The following WWOX variants were observed in gnomAD, a reference collection of about 807,000 sequenced individuals.
WWOX encodes the protein WW domain-containing oxidoreductase.
In WWOX, 69 loss-of-function variants were observed where a neutral mutation model predicts 46.2. That is an observed-to-expected ratio of 1.49 (90% CI 1.23 to 1.82). The LOEUF (loss-of-function observed/expected upper bound fraction) is 1.82. Ranked by LOEUF, WWOX falls within the 40% of genes most tolerant of loss-of-function variation. The probability of loss-of-function intolerance (pLI) is 0.00; values close to 1 mark genes in which losing one functional copy is unlikely to be tolerated. For missense variants in WWOX, 919 were observed against 542.6 expected (o/e 1.69, Z -6.89); for synonymous variants, 359 against 202.6 (o/e 1.77, Z -6.56).
chr16:78,776,020 A>G (rs8045376), intron 8 of WWOX, among the ~76,000 whole-genome samples: 147,840 of 152,304 alleles, frequency 0.97, 71,809 homozygotes, highest in African/African-American at 0.98. Flanking sequence ...GGACACAGCT[A>G]TGTGTTCCAA....
At chr16:78,109,598 A>G (rs2032366870) in intron 2 of WWOX, among the ~76,000 whole-genome samples, 180 bp from the exon 3 acceptor site, 1 of 151,806 alleles carries the variant, frequency 6.6e-6, no homozygotes, top group South Asian at 2.1e-4. Context: ...CCAGGGTGGG[A>G]TCAGGGGCCT....
chr16:78,330,398 ATTT>A (rs773610021), intron 5 of WWOX, among the ~76,000 whole-genome samples: 4 of 144,872 alleles, frequency 2.8e-5, no homozygotes, highest in African/African-American at 7.5e-5. Context: ...ACCAGTGATA[ATTT>A]TTTTTTTTTT....
chr16:78,789,261 T>G (rs1174985512), intron 8 of WWOX, among the ~76,000 whole-genome samples: 2 of 152,220 alleles, frequency 1.3e-5, no homozygotes, highest in African/African-American at 2.4e-5. Flanking sequence ...TATTTTCTTC[T>G]CAGACTTTTA....
At chr16:78,563,771 G>A (rs2044497022) in intron 8 of WWOX, among the ~76,000 whole-genome samples, 1 of 152,076 alleles carries the variant, frequency 6.6e-6, no homozygotes, top group African/African-American at 2.4e-5. Context: ...TAATATCTAT[G>A]GTTGATTGTA....
chr16:78,830,863 A>G (rs2051801617), intron 8 of WWOX, among the ~76,000 whole-genome samples: 1 of 151,992 alleles, frequency 6.6e-6, no homozygotes, highest in South Asian at 2.1e-4. Flanking sequence ...TCTTTCTCCT[A>G]CAGCCCCATC....
chr16:78,619,783 T>G (rs2046132221), intron 8 of WWOX, among the ~76,000 whole-genome samples: 2 of 151,802 alleles, frequency 1.3e-5, no homozygotes, highest in Admixed American at 1.3e-4. Flanking sequence ...GGGGTGCATG[T>G]CTGTGGTCCC....
At chr16:78,739,805 C>T (rs1484347051) in intron 8 of WWOX, among the ~76,000 whole-genome samples, 1 of 152,032 alleles carries the variant, frequency 6.6e-6, no homozygotes, top group Non-Finnish European at 1.5e-5. Context: ...GGAGAGATTC[C>T]ATCTCAAAAA....
chr16:78,642,112 T>C (rs1162249720), intron 8 of WWOX, among the ~76,000 whole-genome samples: 1 of 152,148 alleles, frequency 6.6e-6, no homozygotes, highest in African/African-American at 2.4e-5. Context: ...CCCCAAATAA[T>C]TGACAATTTC....
intron 8 of WWOX, among the ~76,000 whole-genome samples, chr16:78,516,489 C>A (rs964465632): frequency 7.2e-5 from 11 of 152,174 alleles, no homozygotes; most frequent in Non-Finnish European, 1.3e-4. Context: ...CATTTGGAAA[C>A]ATTTTAGAAA....
chr16:78,132,732 C>T (rs1477915871), intron 4 of WWOX, among the ~76,000 whole-genome samples: 1 of 152,142 alleles, frequency 6.6e-6, no homozygotes, highest in African/African-American at 2.4e-5. Context: ...TTGCTTTGCT[C>T]CTGTTACGAC....
intron 8 of WWOX, among the ~76,000 whole-genome samples, chr16:78,777,861 A>C (rs894424037): frequency 7.9e-5 from 12 of 152,048 alleles, no homozygotes; most frequent in African/African-American, 2.4e-4. Context: ...CCCGGCCAGC[A>C]TGGTGAAACC....
intron 8 of WWOX, among the ~76,000 whole-genome samples, chr16:78,451,950 A>T (rs2083699770): frequency 6.6e-6 from 1 of 152,182 alleles, no homozygotes; most frequent in Non-Finnish European, 1.5e-5. Flanking sequence ...CCTTAGTTCA[A>T]CACTGTCTTT....
chr16:79,174,799 C>G (rs1027113332), intron 8 of WWOX, among the ~76,000 whole-genome samples: 1 of 152,174 alleles, frequency 6.6e-6, no homozygotes, highest in Non-Finnish European at 1.5e-5. Flanking sequence ...TATTTGATAA[C>G]TTTAACAGAA....
chr16:78,849,403 C>G (rs1270465997), intron 8 of WWOX, among the ~76,000 whole-genome samples: 2 of 151,618 alleles, frequency 1.3e-5, no homozygotes, highest in East Asian at 3.9e-4. Context: ...AACCCCATCT[C>G]TATTAAAAAT....
intron 8 of WWOX, among the ~76,000 whole-genome samples, chr16:78,838,606 C>G (rs1388980826): frequency 6.6e-6 from 1 of 152,142 alleles, no homozygotes; most frequent in Non-Finnish European, 1.5e-5. Context: ...CTTTGGGAGG[C>G]CAAGGCAGAT....
At chr16:79,194,909 A>G (rs1037450884) in intron 8 of WWOX, among the ~76,000 whole-genome samples, 2 of 152,046 alleles carry the variant, frequency 1.3e-5, no homozygotes, top group Non-Finnish European at 2.9e-5. Context: ...TCCCCAAACT[A>G]AAGGATGAGA....
intron 8 of WWOX, among the ~76,000 whole-genome samples, chr16:78,629,200 G>T (rs1040266132): frequency 6.6e-6 from 1 of 151,456 alleles, no homozygotes; most frequent in Non-Finnish European, 1.5e-5. Context: ...CCATTTTAAA[G>T]ACTCTGAAAA....
chr16:79,074,253 C>T (rs979990988), intron 8 of WWOX, among the ~76,000 whole-genome samples: 1 of 151,826 alleles, frequency 6.6e-6, no homozygotes, highest in African/African-American at 2.4e-5. Flanking sequence ...TATAATAAAT[C>T]ATCCAGCCCC....
intron 8 of WWOX, among the ~76,000 whole-genome samples, chr16:79,149,511 G>A (rs8046140): frequency 0.44 from 66,120 of 151,968 alleles, 15,616 homozygotes; most frequent in African/African-American, 0.63. Context: ...AAAGCATACT[G>A]TTTGTTGGGT....
Sources: allele counts gnomAD v4.1 joint callset (sites outside exome capture counted in the v4.1 genomes callset), GRCh38; gene constraint gnomAD v4.1.1; transcripts MANE v1.5; gene names NCBI Gene and HGNC (gene_info 2026-07-23, HGNC 2026-07-21).